The following WIPI1 variants were observed in gnomAD, a reference collection of about 807,000 sequenced individuals.
The protein encoded by WIPI1 is WD repeat domain phosphoinositide-interacting protein 1.
WIPI1 carries 45 observed loss-of-function variants against 55.3 expected under a neutral mutation model. That is an observed-to-expected ratio of 0.81 (90% CI 0.64 to 1.04). The LOEUF is 1.04. Among genes scored for constraint, WIPI1 ranks in the 50% least tolerant of loss-of-function variants. The pLI is 0.00. For missense variants in WIPI1, 445 were observed against 559.0 expected (o/e 0.80, Z 2.06); for synonymous variants, 195 against 217.6 (o/e 0.90, Z 0.92).
chr17:68,444,375 A>G, intron 4 of WIPI1, 118 bp downstream of exon 4: 1 of 878,286 alleles, frequency 1.1e-6, no homozygotes, highest in South Asian at 1.5e-5. Flanking sequence ...GATAAACCTC[A>G]CTAAGACTCA....
In WIPI1 at chr17:68,433,760, GTTTTTTTTTTTTTTTTTTT is replaced by G. The variant is rs556777098; in HGVS notation, c.693-204_693-186del. On this transcript the variant is annotated intron_variant, in intron 7 of 12. Transcript: ENST00000262139. Reference sequence around the variant, plus strand: ...TCAGAAAGATTCACAAAGGGTCATAGTTTTTTTTTTTTTTTTTTTTTTTTTTTTTTTTTTTTTTGAGACA... The same window carrying G: ...TCAGAAAGATTCACAAAGGGTCATAGTTTTTTTTTTTTTTTTTTTGAGACA... Among the ~76,000 whole-genome samples the G allele has an allele frequency of 8.8e-4, 64 of 72,818 alleles. 1 individual carries two copies. The highest frequency in any genetic ancestry group is 2.4e-3 in the African/African-American group (36 of 15,268). The allele number at this position is 72,818 out of a possible 152,430, so 47.8% of individuals were successfully genotyped here.
At chr17:68,428,776 A>G (rs1967452696) in intron 10 of WIPI1, 53 bp downstream of exon 10, 6 of 1,413,418 alleles carry the variant, frequency 4.2e-6, no homozygotes, top group Middle Eastern at 1.8e-4. Context: ...CGAAGGGACA[A>G]CTCTACACGA....
Position 68,425,387 on chromosome 17 carries a change from T to C in WIPI1, c.1293+688A>G, listed in dbSNP as rs199756065. Among the ~76,000 whole-genome samples, 98 of 148,220 alleles carry C rather than the reference T, an allele frequency of 6.6e-4. No homozygotes were observed. In the East Asian group the frequency reaches 0.017, roughly 25 times the overall value. ...CCCGGCTAATTTTTTCTTTTCTTTTTTTTTTTTTTTTTTGGTGGAGATGGG... is the reference window on the plus strand; with the variant it reads ...CCCGGCTAATTTTTTCTTTTCTTTTCTTTTTTTTTTTTTGGTGGAGATGGG... On this transcript the variant is annotated intron_variant, in intron 12 of 12. Coordinates refer to ENST00000262139, the MANE Select transcript of WIPI1 (RefSeq NM_017983.7).
chr17:68,446,002 C>T (rs1052943910), intron 3 of WIPI1, among the ~76,000 whole-genome samples: 1 of 152,120 alleles, frequency 6.6e-6, no homozygotes, highest in African/African-American at 2.4e-5. Context: ...TCAGCCAGCT[C>T]CTTTTATTCC....
chr17:68,425,935 T>C, intron 12 of WIPI1, 140 bp downstream of exon 12: 1 of 683,866 alleles, frequency 1.5e-6, no homozygotes. Context: ...AAATATCCTA[T>C]GGCTTTCCAA....
intron 12 of WIPI1, among the ~76,000 whole-genome samples, chr17:68,425,715 C>T (rs1193304968): frequency 6.6e-6 from 1 of 152,130 alleles, no homozygotes; most frequent in African/African-American, 2.4e-5. Flanking sequence ...TCCATGGGAG[C>T]CTCAGGAAAA....
chr17:68,426,254 G>GGGGGGGGGGGC lies in WIPI1; in HGVS notation c.1193-80_1193-79insGCCCCCCCCCC. On this transcript the variant is annotated intron_variant, in intron 11 of 12. Coordinates refer to ENST00000262139, the MANE Select transcript of WIPI1 (RefSeq NM_017983.7). Reference sequence around the variant, plus strand: ...ATGACCTGGCGGGTGGGGAGCGGGGGCTCAAATAAAGGGCAAAGGAAGCAA... The same window carrying GGGGGGGGGGGC: ...ATGACCTGGCGGGTGGGGAGCGGGGGGGGGGGGGGGCCTCAAATAAAGGGCAAAGGAAGCAA... 3 of 816,924 alleles carry GGGGGGGGGGGC rather than the reference G, an allele frequency of 3.7e-6. 1 individual carries two copies. Among genetic ancestry groups the GGGGGGGGGGGC allele is most frequent in the South Asian group, 2.7e-5 (2 of 74,798 alleles). The allele number at this position is 816,924 out of a possible 1,614,324, so 50.6% of individuals were successfully genotyped here.
intron 9 of WIPI1, 114 bp from the exon 10 acceptor site, chr17:68,429,050 C>T (rs1600279080): frequency 1.3e-6 from 1 of 758,614 alleles, no homozygotes; most frequent in Non-Finnish European, 2.2e-6. Context: ...CTTTGACAAA[C>T]CCTTAGCCCA....
chr17:68,426,225 T>C lies in WIPI1; in HGVS notation c.1193-50A>G, dbSNP rs766614275. Reference sequence around the variant, plus strand: ...AACAAGCACTGGGGATCTGCTTTTATGCCATGACCTGGCGGGTGGGGAGCG... The same window carrying C: ...AACAAGCACTGGGGATCTGCTTTTACGCCATGACCTGGCGGGTGGGGAGCG... On this transcript the variant is annotated intron_variant, in intron 11 of 12. Transcript: ENST00000262139. 4.8e-6 allele frequency: 5 copies of C among 1,034,928 alleles called. No individual in the cohort carries two copies. The East Asian group carries it at 1.4e-4, about 29-fold the overall frequency. The allele number at this position is 1,034,928 out of a possible 1,614,324, so 64.1% of individuals were successfully genotyped here. A position where few individuals can be genotyped will look rare whatever the true frequency, so the allele number is the denominator to read the frequency against.
At chr17:68,429,927 T>C in intron 9 of WIPI1, 69 bp downstream of exon 9, 1 of 1,602,300 alleles carries the variant, frequency 6.2e-7, no homozygotes, top group Non-Finnish European at 8.5e-7. Flanking sequence ...GGTTTGGGGA[T>C]TTTTGTGCTT....
intron 10 of WIPI1, chr17:68,428,500 C>T (rs148906381): frequency 3.7e-5 from 8 of 217,604 alleles, no homozygotes; most frequent in East Asian, 1.2e-4. Context: ...CCCAAAGTGC[C>T]GGGATTACAG....
chr17:68,426,987 C>T (rs1479803079), intron 11 of WIPI1, 148 bp downstream of exon 11: 1 of 666,820 alleles, frequency 1.5e-6, no homozygotes, highest in Non-Finnish European at 2.6e-6. Flanking sequence ...GAGAGCACTC[C>T]ACCCCCAGGT....
chr17:68,442,704 T>TA (rs1231212782), intron 4 of WIPI1, among the ~76,000 whole-genome samples: 1 of 152,180 alleles, frequency 6.6e-6, no homozygotes, highest in African/African-American at 2.4e-5. Flanking sequence ...CCTCAAGCTC[T>TA]ATGCAGATTC....
At chr17:68,449,651 A>G (rs933900934) in intron 3 of WIPI1, among the ~76,000 whole-genome samples, 1 of 152,188 alleles carries the variant, frequency 6.6e-6, no homozygotes, top group Non-Finnish European at 1.5e-5. Flanking sequence ...CCTGCCACGT[A>G]AGACGCCTGC....
chr17:68,451,969 TGGTG>T (rs1427745170), intron 2 of WIPI1, among the ~76,000 whole-genome samples: 1 of 152,098 alleles, frequency 6.6e-6, no homozygotes, highest in Admixed American at 6.6e-5. Context: ...TTCACAAAAA[TGGTG>T]TAATAACAAT....
chr17:68,432,652 A>G (rs1161569552), intron 8 of WIPI1, among the ~76,000 whole-genome samples: 1 of 152,026 alleles, frequency 6.6e-6, no homozygotes, highest in Non-Finnish European at 1.5e-5. Flanking sequence ...TCAGCGTGAT[A>G]TGGTGCCCAG....
At position 68,444,575 on chromosome 17, in the gene WIPI1, G is replaced by A. The variant is rs746200724; in HGVS notation, c.348C>T (p.Cys116=). The change falls in exon 4 of 13, where the codon TGC becomes TGT. Residue 116 remains cysteine (C), a synonymous_variant. Transcript: ENST00000262139. ...TGTGAATATAAATGGACTCTTCTAG[G>A]CAAACCAGCAGCCTCTGTAATCACA... ...IRLNRQRLLV[C]LEESIYIHNI... is the part of the protein sequence containing the mutation. 1.9e-6 allele frequency: 3 copies of A among 1,613,536 alleles called. No individual in the cohort carries two copies.
At chr17:68,433,909 A>G (rs1600304308) in intron 7 of WIPI1, among the ~76,000 whole-genome samples, 1 of 151,312 alleles carries the variant, frequency 6.6e-6, no homozygotes, top group African/African-American at 2.4e-5. Context: ...CAGCCTCCCA[A>G]GTAGCTGGGA....
At chr17:68,454,647 C>T (rs1206733313) in intron 1 of WIPI1, among the ~76,000 whole-genome samples, 5 of 152,190 alleles carry the variant, frequency 3.3e-5, no homozygotes, top group Admixed American at 6.5e-5. Flanking sequence ...CCCAGAGCAT[C>T]TTAAAACTTC....
Sources: allele counts gnomAD v4.1 joint callset (sites outside exome capture counted in the v4.1 genomes callset), GRCh38; gene constraint gnomAD v4.1.1; transcripts MANE v1.5; gene names NCBI Gene and HGNC (gene_info 2026-07-23, HGNC 2026-07-21).